SV2C: variants seen among roughly 807,000 people sequenced by gnomAD.
SV2C encodes synaptic vesicle glycoprotein 2C, also known as solute carrier family 22 member B3.
In SV2C, 49 loss-of-function variants were observed where a neutral mutation model predicts 79.7. The observed-to-expected ratio is 0.61, with a 90% confidence interval of 0.49 to 0.78. The LOEUF is 0.78. SV2C is among the 30% of genes least tolerant of loss of function. The pLI is 0.00. For synonymous variants in SV2C, 334 were observed against 333.2 expected (o/e 1.00, Z -0.03); for missense variants, 833 against 912.9 (o/e 0.91, Z 1.13).
At chr5:76,049,293 C>T in the SV2C span, among the ~76,000 whole-genome samples, 5 of 146,202 alleles carry the variant, frequency 3.4e-5, no homozygotes, top group Non-Finnish European at 7.4e-5. Flanking sequence ...GCTGAGATCG[C>T]GCCACTGCAC....
At chr5:76,140,203 A>C (rs1398412253) in intron 2 of SV2C, among the ~76,000 whole-genome samples, 1 of 152,184 alleles carries the variant, frequency 6.6e-6, no homozygotes, top group Non-Finnish European at 1.5e-5. Context: ...TGGACTCTAG[A>C]AATATAATAG....
At chr5:75,891,795 A>G in the SV2C span, among the ~76,000 whole-genome samples, 3 of 152,260 alleles carry the variant, frequency 2.0e-5, no homozygotes, top group South Asian at 2.1e-4. Flanking sequence ...ACTGACTAGC[A>G]TAATTGAATT....
chr5:75,882,731 C>A, the SV2C span, among the ~76,000 whole-genome samples: 6 of 151,780 alleles, frequency 4.0e-5, no homozygotes, highest in Admixed American at 1.3e-4. Context: ...CTTCCTTACA[C>A]CTTATACAAA....
intron 1 of SV2C, among the ~76,000 whole-genome samples, chr5:76,114,160 A>T (rs1455517192): frequency 6.6e-6 from 1 of 152,158 alleles, no homozygotes; most frequent in African/African-American, 2.4e-5. Flanking sequence ...GCTACAGAGC[A>T]CCGGTGGAGA....
At position 76,223,421 on chromosome 5, in the gene SV2C, C is replaced by A. The variant is rs1745129832; in HGVS notation, c.913+13534C>A. On this transcript the variant is annotated intron_variant, in intron 4 of 12. Coordinates refer to ENST00000502798, the MANE Select transcript of SV2C (RefSeq NM_014979.4). ...CCAGCCTGGGTGACAGAGCAAGACC[C>A]TGTCTCTTTATATACATACATACAT... Among the ~76,000 whole-genome samples the A allele has an allele frequency of 2.4e-5, 3 of 125,818 alleles. No individual in the cohort carries two copies. The Admixed American group carries it at 2.6e-4, about 11-fold the overall frequency. 82.5% of individuals were successfully genotyped at this position (125,818 alleles called of 152,430 possible).
chr5:76,227,407 G>C (rs535161836), intron 4 of SV2C, among the ~76,000 whole-genome samples: 8 of 152,314 alleles, frequency 5.3e-5, no homozygotes, highest in African/African-American at 1.9e-4. Context: ...TTTCCCCCCT[G>C]TCTGGCTCAA....
At chr5:75,911,277 A>G in the SV2C span, 1 of 1,452,704 alleles carries the variant, frequency 6.9e-7, no homozygotes, top group Non-Finnish European at 9.6e-7. Flanking sequence ...CCCCAGCTCC[A>G]TCACCAGGCA....
chr5:76,041,286 G>C, the SV2C span, among the ~76,000 whole-genome samples: 1 of 152,174 alleles, frequency 6.6e-6, no homozygotes, highest in Non-Finnish European at 1.5e-5. Flanking sequence ...CTCAAATTCT[G>C]TGACTCACAC....
chr5:75,922,942 A>G, the SV2C span, among the ~76,000 whole-genome samples: 1 of 152,104 alleles, frequency 6.6e-6, no homozygotes, highest in African/African-American at 2.4e-5. Flanking sequence ...ATATCAACTA[A>G]TGGAAATAAC....
chr5:75,994,254 G>T, the SV2C span, among the ~76,000 whole-genome samples: 1 of 152,068 alleles, frequency 6.6e-6, no homozygotes, highest in Admixed American at 6.6e-5. Context: ...CAGACGGTGA[G>T]ATGGGAGATG....
intron 12 of SV2C, among the ~76,000 whole-genome samples, chr5:76,324,958 G>A (rs981073881): frequency 6.6e-6 from 1 of 152,170 alleles, no homozygotes; most frequent in African/African-American, 2.4e-5. Flanking sequence ...AGGAGTTTGA[G>A]GCTGCAGTGA....
chr5:76,095,692 A>C (rs1366319532), intron 1 of SV2C, among the ~76,000 whole-genome samples: 5 of 152,130 alleles, frequency 3.3e-5, no homozygotes, highest in Non-Finnish European at 7.4e-5. Context: ...GTGGTTATAT[A>C]CAAGTTTTTT....
chr5:75,951,355 C>G, the SV2C span, among the ~76,000 whole-genome samples: 1 of 152,108 alleles, frequency 6.6e-6, no homozygotes, highest in African/African-American at 2.4e-5. Flanking sequence ...GATTAAAATG[C>G]TCTCAGTAGA....
intron 1 of SV2C, among the ~76,000 whole-genome samples, chr5:76,094,200 A>T (rs1008978716): frequency 1.3e-5 from 2 of 152,140 alleles, no homozygotes; most frequent in Non-Finnish European, 2.9e-5. Context: ...TGATGGTATA[A>T]TTTTTTTCCA....
chr5:76,084,760 G>A, intron 1 of SV2C, among the ~76,000 whole-genome samples: 1 of 151,910 alleles, frequency 6.6e-6, no homozygotes. Context: ...TGCGTCAAAA[G>A]CTCTGGGTTG....
chr5:76,105,545 T>C (rs1747882289), intron 1 of SV2C, among the ~76,000 whole-genome samples: 1 of 152,182 alleles, frequency 6.6e-6, no homozygotes, highest in African/African-American at 2.4e-5. Flanking sequence ...GTTTATTTAA[T>C]AATTAAAACT....
At chr5:76,118,924 G>A (rs1227660331) in intron 1 of SV2C, among the ~76,000 whole-genome samples, 1 of 152,122 alleles carries the variant, frequency 6.6e-6, no homozygotes, top group African/African-American at 2.4e-5. Context: ...TAGAGGTTGT[G>A]GTGAGCCAAG....
chr5:75,911,368 G>T, the SV2C span: 1 of 1,234,530 alleles, frequency 8.1e-7, no homozygotes, highest in South Asian at 1.3e-5. Flanking sequence ...TGAAGGATCT[G>T]AACAACCAAA....
At chr5:76,056,193 T>C in the SV2C span, among the ~76,000 whole-genome samples, 1 of 152,224 alleles carries the variant, frequency 6.6e-6, no homozygotes, top group Non-Finnish European at 1.5e-5. Flanking sequence ...TGAGAGTTTT[T>C]AACATGAAGG....
Sources: gnomAD v4.1 joint callset for allele counts (sites outside exome capture counted in the v4.1 genomes callset) on GRCh38, gnomAD v4.1.1 for gene constraint, MANE v1.5 for transcripts, NCBI Gene and HGNC (gene_info 2026-07-23, HGNC 2026-07-21) for gene names.